CLASP1: variants seen among roughly 807,000 people sequenced by gnomAD.
The protein encoded by CLASP1 is cytoplasmic linker associated protein 1.
In CLASP1, 38 loss-of-function variants were observed where a neutral mutation model predicts 192.3. The ratio of observed to expected loss-of-function variants is 0.20; its 90% CI spans 0.15 to 0.26. The LOEUF (loss-of-function observed/expected upper bound fraction) is 0.26. CLASP1 is among the 10% of genes least tolerant of loss of function. CLASP1 has a pLI of 1.00. For synonymous variants in CLASP1, 691 were observed against 712.8 expected (o/e 0.97, Z 0.49); for missense variants, 1,433 against 1,932.5 (o/e 0.74, Z 4.85).
At chr2:121,356,476 A>G (rs964784149) in intron 37 of CLASP1, among the ~76,000 whole-genome samples, 16 of 152,222 alleles carry the variant, frequency 1.1e-4, no homozygotes, top group African/African-American at 2.4e-5. Flanking sequence ...GTTCCAGGCT[A>G]TAAGTCTGGA....
Position 121,597,868 on chromosome 2 carries a change from T to TC in CLASP1, c.195+7832dup, listed in dbSNP as rs550008777. On this transcript the variant is annotated intron_variant, in intron 2 of 39. Transcript: ENST00000263710. The stretch of plus-strand genomic sequence containing the variant: ...ACCTGAGAAAGCTGCGTAGCATAAG[T>TC]CCCCCCCCAATTCCCTCCAGTTGCA... Among the ~76,000 whole-genome samples the TC allele has an allele frequency of 2.5e-3, 383 of 151,244 alleles. 1 individual carries two copies. Among genetic ancestry groups the TC allele is most frequent in the African/African-American group, 8.2e-3 (338 of 41,178 alleles).
At chr2:121,508,065 A>C (rs2093997613) in intron 7 of CLASP1, among the ~76,000 whole-genome samples, 1 of 152,126 alleles carries the variant, frequency 6.6e-6, no homozygotes, top group East Asian at 1.9e-4. Flanking sequence ...AAAAAAAGTA[A>C]AAATAACTAC....
At chr2:121,346,323 G>A (rs2063451255) in intron 39 of CLASP1, among the ~76,000 whole-genome samples, 1 of 152,226 alleles carries the variant, frequency 6.6e-6, no homozygotes, top group Non-Finnish European at 1.5e-5. Context: ...CACAGCATAA[G>A]GCCGGGTTTT....
intron 36 of CLASP1, chr2:121,364,490 T>C (rs923763518): frequency 3.8e-5 from 6 of 156,610 alleles, no homozygotes; most frequent in Non-Finnish European, 7.1e-5. Context: ...CTATGTGCGA[T>C]GTGCAGATCA....
intron 37 of CLASP1, among the ~76,000 whole-genome samples, chr2:121,356,477 T>C (rs2065411591): frequency 6.6e-6 from 1 of 152,194 alleles, no homozygotes; most frequent in African/African-American, 2.4e-5. Flanking sequence ...TTCCAGGCTA[T>C]AAGTCTGGAG....
At chr2:121,348,515 C>T (rs2063768937) in exon 38 of CLASP1, 6 of 1,607,266 alleles carry the variant, frequency 3.7e-6, no homozygotes, top group Non-Finnish European at 5.1e-6. Context: ...GGCCTACCTG[C>T]AGCAAGCCTG....
At chr2:121,506,041 T>G (rs572973575) in intron 7 of CLASP1, among the ~76,000 whole-genome samples, 1 of 152,142 alleles carries the variant, frequency 6.6e-6, no homozygotes, top group Non-Finnish European at 1.5e-5. Flanking sequence ...AAAGTTTTTT[T>G]AAAAATGTCA....
intron 1 of CLASP1, among the ~76,000 whole-genome samples, chr2:121,623,864 C>A (rs2067824688): frequency 6.6e-6 from 1 of 152,128 alleles, no homozygotes; most frequent in East Asian, 1.9e-4. Flanking sequence ...ACAAAAGAGA[C>A]CTTCTATTTC....
intron 6 of CLASP1, among the ~76,000 whole-genome samples, chr2:121,524,673 T>C (rs2094533192): frequency 6.6e-6 from 1 of 152,162 alleles, no homozygotes; most frequent in South Asian, 2.1e-4. Flanking sequence ...GTCTGGCTGG[T>C]CTCAAACTCC....
intron 7 of CLASP1, among the ~76,000 whole-genome samples, chr2:121,508,544 G>C (rs1419293211): frequency 6.6e-6 from 1 of 152,138 alleles, no homozygotes; most frequent in African/African-American, 2.4e-5. Flanking sequence ...TAAACCAATG[G>C]AAAGTTAAAA....
rs201117966 is a variant in CLASP1, at chr2:121,436,032, C to CT, written c.1913-5856dup. On this transcript the variant is annotated intron_variant, in intron 19 of 39. Coordinates refer to ENST00000263710, the Ensembl canonical transcript of CLASP1. ...GTGCCTTTCGTGTTGTGCAATTTTA[C>CT]TTTTTTTTTTTTTTCTTGAGACAGA... Among the ~76,000 whole-genome samples the CT allele has an allele frequency of 8.6e-3, 1,236 of 144,154 alleles. 15 individuals are homozygous for CT. The highest frequency in any genetic ancestry group is 0.023 in the African/African-American group (932 of 39,664). 94.6% of individuals were successfully genotyped at this position (144,154 alleles called of 152,430 possible). A position where few individuals can be genotyped will look rare whatever the true frequency, so the allele number is the denominator to read the frequency against.
At chr2:121,518,014 AAGGTCAGGAGTTCG>A (rs1472416138) in intron 6 of CLASP1, among the ~76,000 whole-genome samples, 1 of 150,328 alleles carries the variant, frequency 6.7e-6, no homozygotes, top group African/African-American at 2.5e-5. Flanking sequence ...AGGCGAGTTC[AAGGTCAGGAGTTCG>A]AGACCAGCCT....
At chr2:121,461,546 ATTTAAACAGT>A (rs2087954172) in intron 10 of CLASP1, among the ~76,000 whole-genome samples, 1 of 152,204 alleles carries the variant, frequency 6.6e-6, no homozygotes, top group Non-Finnish European at 1.5e-5. Flanking sequence ...ATACCTATAA[ATTTAAACAGT>A]TTCAAATCTA....
chr2:121,634,579 C>A (rs532656420), intron 1 of CLASP1, among the ~76,000 whole-genome samples: 1 of 152,304 alleles, frequency 6.6e-6, no homozygotes, highest in African/African-American at 2.4e-5. Context: ...AATACTGTCC[C>A]TTTGTCCAAA....
intron 2 of CLASP1, among the ~76,000 whole-genome samples, chr2:121,605,287 C>T (rs1366356840): frequency 6.6e-6 from 1 of 152,134 alleles, no homozygotes; most frequent in Admixed American, 6.5e-5. Flanking sequence ...AGGTAAAATG[C>T]TCCACACCTT....
chr2:121,632,534 T>TA lies in CLASP1; in HGVS notation c.-286+16837dup, dbSNP rs932628594. 1.5e-3 allele frequency among the ~76,000 whole-genome samples: 221 copies of TA among 146,214 alleles called. 1 individual carries two copies. The highest frequency in any genetic ancestry group is 1.9e-3 in the Admixed American group (27 of 14,574). On this transcript the variant is annotated intron_variant, in intron 1 of 39. Coordinates refer to ENST00000263710, the Ensembl canonical transcript of CLASP1. ...ATACTATTTAGTCATACAACTCATT[T>TA]AAAAAAAAAAAGGAGGAAGTCTTCA...
chr2:121,563,287 C>T (rs1356971841), intron 2 of CLASP1, among the ~76,000 whole-genome samples: 1 of 152,174 alleles, frequency 6.6e-6, no homozygotes, highest in African/African-American at 2.4e-5. Flanking sequence ...AAACGACCGC[C>T]TGATGATTTG....
At position 121,466,039 on chromosome 2, in the gene CLASP1, T is replaced by TA. The variant is rs780381184; in HGVS notation, c.866-3435dup. Among the ~76,000 whole-genome samples the TA allele has an allele frequency of 1.3e-4, 20 of 152,308 alleles. 1 individual carries two copies. The East Asian group carries it at 3.5e-3, about 26-fold the overall frequency. On this transcript the variant is annotated intron_variant, in intron 9 of 39. Coordinates refer to ENST00000263710, the Ensembl canonical transcript of CLASP1. ...ATTAATTCAAGATGGATTAAAAACTTAAACGTTAGACCTAAAAGTCTAGTA... is the reference window on the plus strand; with the variant it reads ...ATTAATTCAAGATGGATTAAAAACTTAAAACGTTAGACCTAAAAGTCTAGTA...
intron 34 of CLASP1, among the ~76,000 whole-genome samples, chr2:121,368,947 T>C (rs909075010): frequency 6.6e-6 from 1 of 152,186 alleles, no homozygotes; most frequent in Non-Finnish European, 1.5e-5. Context: ...TTTCTCATCA[T>C]TCCCAACAAA....
Sources: gnomAD v4.1 joint callset for allele counts (sites outside exome capture counted in the v4.1 genomes callset) on GRCh38, gnomAD v4.1.1 for gene constraint, MANE v1.5 for transcripts, NCBI Gene and HGNC (gene_info 2026-07-23, HGNC 2026-07-21) for gene names.